C4BPA: variants seen among roughly 807,000 people sequenced by gnomAD.
C4BPA encodes complement component 4 binding protein alpha.
A neutral mutation model predicts 63.7 loss-of-function variants in C4BPA; 31 were observed. The observed-to-expected ratio is 0.49, with a 90% confidence interval of 0.37 to 0.66. C4BPA has a LOEUF of 0.66. C4BPA is among the 30% of genes least tolerant of loss of function. The pLI is 0.00. For synonymous variants in C4BPA, 259 were observed against 254.7 expected (o/e 1.02, Z -0.16); for missense variants, 572 against 723.3 (o/e 0.79, Z 2.40).
At chr1:207,123,003 T>G (rs1381974410) in intron 4 of C4BPA, among the ~76,000 whole-genome samples, 1 of 152,210 alleles carries the variant, frequency 6.6e-6, no homozygotes, top group African/African-American at 2.4e-5. Context: ...TTTCCGTTTG[T>G]TTCATTTTTG....
At chr1:207,126,649 G>A (rs992285640) in intron 6 of C4BPA, 64 bp from the exon 7 acceptor site, 8 of 1,153,092 alleles carry the variant, frequency 6.9e-6, no homozygotes, top group Non-Finnish European at 8.9e-6. Context: ...ATTAGCAGTG[G>A]CAGTAATATC....
At chr1:207,111,444 T>C (rs989810965) in intron 1 of C4BPA, among the ~76,000 whole-genome samples, 1 of 152,142 alleles carries the variant, frequency 6.6e-6, no homozygotes, top group African/African-American at 2.4e-5. Flanking sequence ...GTGTGTGACA[T>C]GGGGTTCCCA....
At chr1:207,130,536 A>G (rs781328835) in intron 7 of C4BPA, among the ~76,000 whole-genome samples, 1 of 152,196 alleles carries the variant, frequency 6.6e-6, no homozygotes, top group Non-Finnish European at 1.5e-5. Context: ...ATAGCCAAAC[A>G]ACCCAAATGC....
intron 8 of C4BPA, among the ~76,000 whole-genome samples, chr1:207,133,295 G>A (rs1685200518): frequency 6.6e-6 from 1 of 152,178 alleles, no homozygotes; most frequent in African/African-American, 2.4e-5. Flanking sequence ...AAGTGTTTGA[G>A]TATGTCCAAA....
rs1410341920 is a variant in C4BPA, at chr1:207,143,900, C to T, written c.1527C>T (p.Ile509=). ...ATGTTGAGCCTGAAAATGTCACCAT[C>T]CAATGTGATTCTGGCTATGGTGTGG... ...DQYVEPENVT[I]QCDSGYGVVG... is the part of the protein sequence containing the mutation. Residue 509 remains isoleucine, a synonymous_variant, in exon 11 of 12, where the codon ATC becomes ATT. Coordinates refer to ENST00000367070, the MANE Select transcript of C4BPA (RefSeq NM_000715.4). 3.7e-6 allele frequency: 6 copies of T among 1,612,288 alleles called. No homozygotes were observed. Among genetic ancestry groups the T allele is most frequent in the Non-Finnish European group, 5.1e-6 (6 of 1,178,780 alleles).
intron 6 of C4BPA, among the ~76,000 whole-genome samples, chr1:207,126,173 C>T (rs896494528): frequency 1.3e-5 from 2 of 150,630 alleles, no homozygotes; most frequent in Non-Finnish European, 2.9e-5. Flanking sequence ...ACAGTCATCT[C>T]GAAGAAGGAC....
chr1:207,118,497 A>T (rs566457644), intron 4 of C4BPA, among the ~76,000 whole-genome samples: 1 of 152,158 alleles, frequency 6.6e-6, no homozygotes, highest in Non-Finnish European at 1.5e-5. Flanking sequence ...AGAAGTGTTG[A>T]GTAAAGGGGG....
chr1:207,125,742 T>C (rs1342496149), intron 6 of C4BPA, among the ~76,000 whole-genome samples: 5 of 152,158 alleles, frequency 3.3e-5, no homozygotes, highest in Admixed American at 3.3e-4. Context: ...GAAATTTCCA[T>C]AATTTATAAA....
chr1:207,129,293 TG>T (rs1012857276), intron 7 of C4BPA, among the ~76,000 whole-genome samples: 2 of 151,300 alleles, frequency 1.3e-5, no homozygotes, highest in Non-Finnish European at 2.9e-5. Flanking sequence ...CAGAGAAATG[TG>T]GGACACCATT....
At chr1:207,121,444 G>T (rs1464682238) in intron 4 of C4BPA, among the ~76,000 whole-genome samples, 1 of 92,738 alleles carries the variant, frequency 1.1e-5, no homozygotes, top group Non-Finnish European at 2.7e-5. Context: ...ATTATCTTTG[G>T]TTTTCTTTTG....
At chr1:207,120,379 C>A (rs1684898084) in intron 4 of C4BPA, among the ~76,000 whole-genome samples, 1 of 152,196 alleles carries the variant, frequency 6.6e-6, no homozygotes, top group Admixed American at 6.6e-5. Flanking sequence ...TTTAACTAGG[C>A]ACCCTGTATT....
chr1:207,132,306 C>G (rs780231873), intron 8 of C4BPA, among the ~76,000 whole-genome samples: 47 of 152,306 alleles, frequency 3.1e-4, no homozygotes, highest in South Asian at 2.1e-4. Context: ...AGACGCACCT[C>G]TTTTATTTGT....
At chr1:207,133,943 A>G (rs1288223834) in intron 8 of C4BPA, among the ~76,000 whole-genome samples, 1 of 152,178 alleles carries the variant, frequency 6.6e-6, no homozygotes, top group African/African-American at 2.4e-5. Context: ...CCATAAGTAA[A>G]TGGATGTTGT....
At chr1:207,131,139 AG>A (rs1182793204) in intron 7 of C4BPA, among the ~76,000 whole-genome samples, 2 of 152,206 alleles carry the variant, frequency 1.3e-5, no homozygotes, top group African/African-American at 4.8e-5. Context: ...TTTCTTGCCA[AG>A]TCATTCCTGG....
chr1:207,140,207 C>T (rs1685384916), intron 9 of C4BPA, among the ~76,000 whole-genome samples: 2 of 152,138 alleles, frequency 1.3e-5, no homozygotes, highest in Admixed American at 6.5e-5. Context: ...GCTGGTTCTC[C>T]TCTTTTCAGG....
chr1:207,143,931 C>G lies in C4BPA; in HGVS notation c.1558C>G (p.Pro520Ala). 1 of 1,610,938 alleles carries G rather than the reference C, an allele frequency of 6.2e-7. No homozygotes were observed. The highest frequency in any genetic ancestry group is 8.5e-7 in the Non-Finnish European group (1 of 1,178,626). Residue 520 changes from proline to alanine, a missense_variant, in exon 11 of 12, where the codon CCC becomes GCC. By Grantham distance (27) the Pro-to-Ala change is conservative. This residue lies in a region of C4BPA where 465 missense variants were observed against 629.4 expected (regional missense o/e 0.74). Coordinates refer to ENST00000367070, the MANE Select transcript of C4BPA (RefSeq NM_000715.4). ...TGATTCTGGCTATGGTGTGGTTGGTCCCCAAAGTATCACTTGCTCTGGGAA... is the reference window on the plus strand; with the variant it reads ...TGATTCTGGCTATGGTGTGGTTGGTGCCCAAAGTATCACTTGCTCTGGGAA... ...QCDSGYGVVG[P>A]QSITCSGNRT...
At chr1:207,116,495 AGT>A (rs200444986) in intron 4 of C4BPA, among the ~76,000 whole-genome samples, 25 of 124,464 alleles carry the variant, frequency 2.0e-4, no homozygotes, top group African/African-American at 5.2e-4. Flanking sequence ...CTTTTCCCAC[AGT>A]GTGTGTGTGT....
intron 6 of C4BPA, among the ~76,000 whole-genome samples, chr1:207,125,465 T>C (rs761134862): frequency 3.9e-5 from 6 of 152,146 alleles, no homozygotes; most frequent in Non-Finnish European, 7.4e-5. Context: ...AGACCCAATG[T>C]GATCGTTTTA....
At chr1:207,141,015 A>C in intron 9 of C4BPA, 91 bp from the exon 10 acceptor site, 1 of 969,896 alleles carries the variant, frequency 1.0e-6, no homozygotes. Flanking sequence ...GGACAGAATG[A>C]AGCCTCCTAC....
Sources: allele counts gnomAD v4.1 joint callset (sites outside exome capture counted in the v4.1 genomes callset), GRCh38; gene constraint gnomAD v4.1.1; regional missense constraint gnomAD v4.1.1; transcripts MANE v1.5; gene names NCBI Gene and HGNC (gene_info 2026-07-23, HGNC 2026-07-21).